Variants in FLG observed in about 807,000 individuals in gnomAD.
FLG encodes epidermal filaggrin.
A neutral mutation model predicts 3.8 loss-of-function variants in FLG; 6 were observed. The observed-to-expected ratio is 1.60, with a 90% CI of 0.87 to 3.15. The LOEUF is 3.15. Ranked by LOEUF, FLG falls within the 30% of genes most tolerant of loss-of-function variation. FLG has a pLI of 0.00. For missense variants in FLG, 7,595 were observed against 5,050.9 expected (o/e 1.50, Z -15.27); for synonymous variants, 2,551 against 1,931.6 (o/e 1.32, Z -8.41).
Position 152,312,311 on chromosome 1 carries a change from G to A in FLG, c.2575C>T (p.Gln859Ter), listed in dbSNP as rs151053962. ...GAGTGTCCAGACCTATCTACCGATT[G>A]CTCGTGGTGGGACCCCTGCCTTCCT... Reference protein sequence around the residue: ...RRGRQGSHHEQSVDRSGHSGS... With the variant: ...RRGRQGSHHE The change falls in exon 3 of 3, where the codon CAA becomes TAA. Residue 859 changes from glutamine (Q) to a stop codon, truncating the protein, a stop_gained. Transcript: ENST00000368799. LOFTEE classifies it low-confidence loss of function (END_TRUNC). 1 of 1,613,456 alleles carries A rather than the reference G, an allele frequency of 6.2e-7. No homozygotes were observed. The highest frequency in any genetic ancestry group is 8.5e-7 in the Non-Finnish European group (1 of 1,179,856).
In FLG at chr1:152,308,959, T is replaced by G; in HGVS notation, c.5927A>C (p.Gln1976Pro). The stretch of plus-strand genomic sequence containing the variant: ...AGACTCTGTGTGACGAGTGCCTGAT[T>G]GTCTGGAGCTGTCTGCAGAGTGCCC... ...GHGHSADSSRQSGTRHTESSS... is the reference protein window; with the variant it reads ...GHGHSADSSRPSGTRHTESSS... Residue 1976 changes from glutamine to proline, a missense_variant, in exon 3 of 3, where the codon CAA becomes CCA. Gln to Pro is a moderately conservative substitution (Grantham distance 76, BLOSUM62 -1). Coordinates refer to ENST00000368799, the MANE Select transcript of FLG (RefSeq NM_002016.2). 6.2e-7 allele frequency: 1 copy of G among 1,614,204 alleles called. No individual in the cohort carries two copies. Among genetic ancestry groups the G allele is most frequent in the South Asian group, 1.1e-5 (1 of 91,084 alleles).
In FLG at chr1:152,307,006, C is replaced by T; in HGVS notation, c.7880G>A (p.Gly2627Asp). The stretch of plus-strand genomic sequence containing the variant: ...AGAGGAAGTCTGTGTGTGACGAGTG[C>T]CTGATTGTCTGGAGCTGTCTGCAGA... ...GHSADSSRQS[G>D]TRHTQTSSGG... The change falls in exon 3 of 3, where the codon GGC becomes GAC. Residue 2627 changes from glycine (G) to aspartate (D), a missense_variant. Gly to Asp is a moderately conservative substitution (Grantham distance 94, BLOSUM62 -1). Transcript: ENST00000368799. 4 of 1,591,058 alleles carry T rather than the reference C, an allele frequency of 2.5e-6. No individual in the cohort carries two copies. Among genetic ancestry groups the T allele is most frequent in the East Asian group, 4.5e-5 (2 of 44,358 alleles).
At position 152,309,051 on chromosome 1, in the gene FLG, A is replaced by G. The variant is rs1347360346; in HGVS notation, c.5835T>C (p.Ser1945=). ...AGCCATCTCTTGACTGCTCCCAAGC[A>G]GATCCAAGATGGTTTCTGGAAGCAG... is the stretch of plus-strand genomic sequence containing the variant. ...SGSASRNHLG[S]AWEQSRDGSR... The change falls in exon 3 of 3, where the codon TCT becomes TCC. Residue 1945 remains serine (S), a synonymous_variant. Coordinates refer to ENST00000368799, the MANE Select transcript of FLG (RefSeq NM_002016.2). The G allele has an allele frequency of 6.2e-7, 1 of 1,614,162 alleles. No individual in the cohort carries two copies. Among genetic ancestry groups the G allele is most frequent in the East Asian group, 2.2e-5 (1 of 44,874 alleles).
rs753491710 is a variant in FLG, at chr1:152,307,969, T to C, written c.6917A>G (p.His2306Arg). Residue 2306 changes from histidine to arginine, a missense_variant, in exon 3 of 3, where the codon CAT (histidine) becomes CGT (arginine). His to Arg is a conservative substitution (Grantham distance 29). Coordinates refer to ENST00000368799, the MANE Select transcript of FLG (RefSeq NM_002016.2). ...AESSRQSGTHHAENSSGGQAA... is the reference protein window; with the variant it reads ...AESSRQSGTHRAENSSGGQAA... ...CTGTCCACCAGAGGAATTCTCTGCA[T>C]GATGAGTGCCTGATTGTCTGGAGCT... The C allele has an allele frequency of 6.8e-6, 11 of 1,614,062 alleles. No homozygotes were observed. The highest frequency in any genetic ancestry group is 8.5e-6 in the Non-Finnish European group (10 of 1,180,038).
chr1:152,315,298 G>A, intron 2 of FLG, 21 bp downstream of exon 2: 1 of 1,611,118 alleles, frequency 6.2e-7, no homozygotes, highest in Non-Finnish European at 8.5e-7. Context: ...CTCTATCTTT[G>A]GTCTTGTCAG....
chr1:152,312,052 C>A lies in FLG; in HGVS notation c.2834G>T (p.Ser945Ile). 3 of 1,614,182 alleles carry A rather than the reference C, an allele frequency of 1.9e-6. No individual in the cohort carries two copies. The highest frequency in any genetic ancestry group is 2.5e-6 in the Non-Finnish European group (3 of 1,180,032). The change falls in exon 3 of 3, where the codon AGT (serine) becomes ATT (isoleucine). Residue 945 changes from serine to isoleucine, a missense_variant. Transcript: ENST00000368799. ...CTCACTGTCACTGTCCTGGCTAACA[C>A]TGGATCCCTGGCGCCTGCTTGTCCT... ...GSRTSRRQGS[S>I]VSQDSDSEGH... is the part of the protein sequence containing the mutation.
At position 152,313,421 on chromosome 1, in the gene FLG, T is replaced by C. The variant is rs1347229349; in HGVS notation, c.1465A>G (p.Thr489Ala). 2 of 1,613,632 alleles carry C rather than the reference T, an allele frequency of 1.2e-6. No individual in the cohort carries two copies. Among genetic ancestry groups the C allele is most frequent in the Non-Finnish European group, 1.7e-6 (2 of 1,179,924 alleles). The change falls in exon 3 of 3, where the codon ACT becomes GCT. Residue 489 changes from threonine to alanine, a missense_variant. Transcript: ENST00000368799. ...TGGTGCGATCCTTGTCTTCCTCCAG[T>C]GCTGGTCCCGGTCCGTCCATGGGCA... ...DSAHGRTGTS[T>A]GGRQGSHHEQ...
chr1:152,316,290 G>T (rs1195850200), intron 1 of FLG, among the ~76,000 whole-genome samples: 1 of 152,046 alleles, frequency 6.6e-6, no homozygotes, highest in Non-Finnish European at 1.5e-5. Context: ...AGATATTAAT[G>T]AATTTTGCTG....
chr1:152,304,423 TG>T lies in FLG; in HGVS notation c.10462del (p.Gln3488LysfsTer227), dbSNP rs1276198960. 1 of 1,612,040 alleles carries T rather than the reference TG, an allele frequency of 6.2e-7. No individual in the cohort carries two copies. Among genetic ancestry groups the T allele is most frequent in the East Asian group, 2.2e-5 (1 of 44,590 alleles). The stretch of plus-strand genomic sequence containing the variant: ...TCCTGATTGTTCGTCATTACGAGTT[TG>T]TCTGCTGGCACTTCTGGATCCTGAC... ...GQSGSRSASR[Q>X]TRNDEQSGDG... On this transcript the variant is annotated frameshift_variant, in exon 3 of 3. Coordinates refer to ENST00000368799, the MANE Select transcript of FLG (RefSeq NM_002016.2). LOFTEE classifies it low-confidence loss of function (END_TRUNC).
In FLG at chr1:152,305,277, C is replaced by T. The variant is rs200794975; in HGVS notation, c.9609G>A (p.Glu3203=). The change falls in exon 3 of 3, where the codon GAG becomes GAA. Residue 3203 remains glutamate, a synonymous_variant. Coordinates refer to ENST00000368799, the MANE Select transcript of FLG (RefSeq NM_002016.2). ...CCTGGCGCCTGCTTCTCCTGGACCC[C>T]TCTGATTGTCCCTGGACTGCCTGTG... The part of the protein sequence containing the change: ...RHSQAVQGQS[E]GSRRSRRQGS... 4 of 1,611,968 alleles carry T rather than the reference C, an allele frequency of 2.5e-6. No individual in the cohort carries two copies. In the African/African-American group the frequency reaches 5.4e-5, roughly 22 times the overall value.
rs368302261 is a variant in FLG at position 152,310,547 on chromosome 1, A to C, written c.4339T>G (p.Ser1447Ala). 2.5e-6 allele frequency: 4 copies of C among 1,613,454 alleles called. No individual in the cohort carries two copies. The highest frequency in any genetic ancestry group is 3.4e-6 in the Non-Finnish European group (4 of 1,179,818). Reference sequence around the variant, plus strand: ...TGTGTGGACTCAGACTGTTCATGAGAGCTCACCTGGTAGAGGAAAGACCTT... The same window carrying C: ...TGTGTGGACTCAGACTGTTCATGAGCGCTCACCTGGTAGAGGAAAGACCTT... ...RSRSFLYQVS[S>A]HEQSESTHGQ... The change falls in exon 3 of 3, where the codon TCT becomes GCT. Residue 1447 changes from serine to alanine, a missense_variant. By Grantham distance (99) the Ser-to-Ala change is moderately conservative. Transcript: ENST00000368799.
At position 152,303,427 on chromosome 1, in the gene FLG, C is replaced by T. The variant is rs1254137203; in HGVS notation, c.11459G>A (p.Gly3820Glu). The T allele has an allele frequency of 6.2e-7, 1 of 1,614,130 alleles. No homozygotes were observed. The highest frequency in any genetic ancestry group is 2.2e-5 in the East Asian group (1 of 44,864). ...SRETRNEEQS[G>E]DGSRHSGSRH... ...CGACCCTGAGTGCCTGGAGCCGTCT[C>T]CTGACTGTTCCTCATTACGTGTTTC... The change falls in exon 3 of 3, where the codon GGA becomes GAA. Residue 3820 changes from glycine to glutamate, a missense_variant. Coordinates refer to ENST00000368799, the MANE Select transcript of FLG (RefSeq NM_002016.2).
rs764131893 is a variant in FLG, at chr1:152,307,250, G to A, written c.7636C>T (p.His2546Tyr). 6.2e-7 allele frequency: 1 copy of A among 1,612,988 alleles called. No homozygotes were observed. The highest frequency in any genetic ancestry group is 8.5e-7 in the Non-Finnish European group (1 of 1,180,008). ...GATTGTCCCTGGCCCACCTGCGAGT[G>A]TCCAGAGCTGTCGGCCCGAGAGGAA... ...EASSRADSSGHSQVGQGQSEG... is the reference protein window; with the variant it reads ...EASSRADSSGYSQVGQGQSEG... The change falls in exon 3 of 3, where the codon CAC (histidine) becomes TAC (tyrosine). Residue 2546 changes from histidine to tyrosine, a missense_variant. Coordinates refer to ENST00000368799, the MANE Select transcript of FLG (RefSeq NM_002016.2).
Position 152,309,460 on chromosome 1 carries a change from C to A in FLG, c.5426G>T (p.Gly1809Val). The A allele has an allele frequency of 6.2e-7, 1 of 1,612,916 alleles. No homozygotes were observed. Among genetic ancestry groups the A allele is most frequent in the South Asian group, 1.1e-5 (1 of 91,024 alleles). The change falls in exon 3 of 3, where the codon GGT becomes GTT. Residue 1809 changes from glycine to valine, a missense_variant. By Grantham distance (109) the Gly-to-Val change is moderately radical. Coordinates refer to ENST00000368799, the MANE Select transcript of FLG (RefSeq NM_002016.2). ...TGGGTGTCCACGAATGGTGTCCTGA[C>A]CCTCTTGGGACGCTGAGTGCCTGGA... Reference protein sequence around the residue: ...DSSRHSASQEGQDTIRGHPGS... With the variant: ...DSSRHSASQEVQDTIRGHPGS...
At position 152,311,418 on chromosome 1, in the gene FLG, T is replaced by G; in HGVS notation, c.3468A>C (p.Ser1156=). 2 of 1,613,950 alleles carry G rather than the reference T, an allele frequency of 1.2e-6. No homozygotes were observed. The highest frequency in any genetic ancestry group is 1.7e-6 in the Non-Finnish European group (2 of 1,179,956). Reference sequence around the variant, plus strand: ...TGGTGTCCTGACCCTCTTGGGACGCTGAGTGCCTGGAGCTGTCTCGTGCCT... The same window carrying G: ...TGGTGTCCTGACCCTCTTGGGACGCGGAGTGCCTGGAGCTGTCTCGTGCCT... ...HEQARDSSRH[S]ASQEGQDTIR... Residue 1156 remains serine, a synonymous_variant, in exon 3 of 3, where the codon TCA becomes TCC. Coordinates refer to ENST00000368799, the MANE Select transcript of FLG (RefSeq NM_002016.2).
rs150947632 is a variant in FLG at position 152,308,099 on chromosome 1, C to T, written c.6787G>A (p.Ala2263Thr). The T allele has an allele frequency of 2.6e-3, 4,213 of 1,613,942 alleles. 23 individuals are homozygous for T. The African/African-American group carries it at 0.049, about 19-fold the overall frequency. Residue 2263 changes from alanine (A) to threonine (T), a missense_variant, in exon 3 of 3, where the codon GCG becomes ACG. Ala to Thr is a moderately conservative substitution (Grantham distance 58, BLOSUM62 0). Transcript: ENST00000368799. ...SEDSERRSGS[A>T]SRNHHGSAQE... Reference sequence around the variant, plus strand: ...GCAGATCCATGATGGTTTCTGGACGCAGACCCAGACCGCCTCTCAGAATCT... The same window carrying T: ...GCAGATCCATGATGGTTTCTGGACGTAGACCCAGACCGCCTCTCAGAATCT...
chr1:152,303,349 C>A lies in FLG; in HGVS notation c.11537G>T (p.Gly3846Val), dbSNP rs201811891. 3 of 1,614,084 alleles carry A rather than the reference C, an allele frequency of 1.9e-6. No individual in the cohort carries two copies. In the East Asian group the frequency reaches 6.7e-5, roughly 36 times the overall value. Residue 3846 changes from glycine (G) to valine (V), a missense_variant, in exon 3 of 3, where the codon GGC becomes GTC. Gly to Val is a moderately radical substitution (Grantham distance 109). Transcript: ENST00000368799. ...QADSSRHSQS[G>V]QGESAGSRRS... ...CCTGGACCCCGCTGATTCACCCTGG[C>A]CGGACTGTGAGTGTCTAGAGCTGTC...
At position 152,313,035 on chromosome 1, in the gene FLG, C is replaced by G; in HGVS notation, c.1851G>C (p.Gln617His). 4 of 1,614,016 alleles carry G rather than the reference C, an allele frequency of 2.5e-6. No individual in the cohort carries two copies. Among genetic ancestry groups the G allele is most frequent in the Non-Finnish European group, 3.4e-6 (4 of 1,180,030 alleles). ...CACTGTCCTGGCTAACACTGGATCC[C>G]TGGTTCCTACTTGTCCTGGGCCCCG... ...QSSGPRTSRN[Q>H]GSSVSQDSDS... The change falls in exon 3 of 3, where the codon CAG (glutamine) becomes CAC (histidine). Residue 617 changes from glutamine (Q) to histidine (H), a missense_variant. By Grantham distance (24) the Gln-to-His change is conservative. Coordinates refer to ENST00000368799, the MANE Select transcript of FLG (RefSeq NM_002016.2).
rs141825612 is a variant in FLG, at chr1:152,313,726, C to T, written c.1160G>A (p.Gly387Asp). 1.2e-5 allele frequency: 20 copies of T among 1,614,012 alleles called. No homozygotes were observed. The South Asian group carries it at 2.0e-4, about 16-fold the overall frequency. The stretch of plus-strand genomic sequence containing the variant: ...GGAGCTGTCTGCTGACTGCTGGTGG[C>T]CGGATCCATGTCTTTCTCCTGGACT... The part of the protein sequence containing the change: ...RSSPGERHGS[G>D]HQQSADSSRH... Residue 387 changes from glycine (G) to aspartate (D), a missense_variant, in exon 3 of 3, where the codon GGC becomes GAC. By Grantham distance (94) the Gly-to-Asp change is moderately conservative (BLOSUM62 -1). Coordinates refer to ENST00000368799, the MANE Select transcript of FLG (RefSeq NM_002016.2).
Sources: gnomAD v4.1 joint callset for allele counts (sites outside exome capture counted in the v4.1 genomes callset) on GRCh38, gnomAD v4.1.1 for gene constraint, MANE v1.5 for transcripts, NCBI Gene and HGNC (gene_info 2026-07-23, HGNC 2026-07-21) for gene names.